The following SNX29 variants were observed in gnomAD, a reference collection of about 807,000 sequenced individuals.
The protein encoded by SNX29 is sorting nexin-29.
A neutral mutation model predicts 102.1 loss-of-function variants in SNX29; 78 were observed. That is an observed-to-expected ratio of 0.76 (90% CI 0.64 to 0.92). The LOEUF is 0.92. Among genes scored for constraint, SNX29 ranks in the 40% least tolerant of loss-of-function variants. The probability of loss-of-function intolerance (pLI) is 0.00; values close to 1 mark genes in which losing one functional copy is unlikely to be tolerated. For synonymous variants in SNX29, 580 were observed against 414.5 expected, an observed-to-expected ratio of 1.40 and a Z score of -4.85; for missense variants, 1,280 against 1,061.7, an observed-to-expected ratio of 1.21 and a Z score of -2.86.
intron 16 of SNX29, among the ~76,000 whole-genome samples, chr16:12,370,366 C>T (rs1252541553): frequency 1.3e-5 from 2 of 152,162 alleles, no homozygotes; most frequent in Non-Finnish European, 2.9e-5. Context: ...TCGAGACCAG[C>T]CTGGCCAACG....
At chr16:12,442,008 G>A (rs939859769) in intron 18 of SNX29, among the ~76,000 whole-genome samples, 5 of 152,136 alleles carry the variant, frequency 3.3e-5, no homozygotes, top group African/African-American at 1.2e-4. Context: ...TTGAACTCCT[G>A]ACCTCAGGTG....
At chr16:12,349,789 T>C (rs1212220784) in intron 15 of SNX29, among the ~76,000 whole-genome samples, 3 of 152,180 alleles carry the variant, frequency 2.0e-5, no homozygotes, top group Non-Finnish European at 4.4e-5. Context: ...TTTTTCATTA[T>C]TTTTTATACT....
intron 8 of SNX29, among the ~76,000 whole-genome samples, chr16:12,059,042 T>G (rs541814429): frequency 2.0e-5 from 3 of 152,064 alleles, no homozygotes; most frequent in Non-Finnish European, 2.9e-5. Flanking sequence ...GTACCGGAAT[T>G]ATAAATGTGA....
At chr16:12,238,931 G>A (rs2078018215) in intron 14 of SNX29, among the ~76,000 whole-genome samples, 1 of 152,202 alleles carries the variant, frequency 6.6e-6, no homozygotes, top group Non-Finnish European at 1.5e-5. Context: ...GCTCTAGCCA[G>A]CATGTCTGTG....
At position 12,398,486 on chromosome 16, in the gene SNX29, T is replaced by A; in HGVS notation, c.1940T>A (p.Leu647Ter). The A allele has an allele frequency of 2.5e-6, 4 of 1,613,988 alleles. No individual in the cohort carries two copies. Among genetic ancestry groups the A allele is most frequent in the Non-Finnish European group, 3.4e-6 (4 of 1,179,878 alleles). ...AGTCAAACGTCCGAAGACCAGAGTT[T>A]GTCGGATTTTGAAATGTAAGTCCAC... ...DLSQTSEDQSLSDFEISNRAL... is the reference protein window; with the variant it reads ...DLSQTSEDQS Residue 647 changes from leucine (L) to a stop codon, truncating the protein, a stop_gained, in exon 17 of 21, where the codon TTG (leucine) becomes TAG (stop). Transcript: ENST00000566228. LOFTEE classifies it high-confidence loss of function.
intron 13 of SNX29, among the ~76,000 whole-genome samples, chr16:12,179,696 CGGATTCTG>C (rs1181076588): frequency 6.6e-6 from 1 of 152,174 alleles, no homozygotes; most frequent in Non-Finnish European, 1.5e-5. Flanking sequence ...TCATCTGTGA[CGGATTCTG>C]CAAGGGACTG....
chr16:12,381,470 C>G (rs1436655586), intron 16 of SNX29, among the ~76,000 whole-genome samples: 1 of 81,768 alleles, frequency 1.2e-5, no homozygotes, highest in Non-Finnish European at 2.4e-5. Context: ...CATCCATCCA[C>G]CTATCCACCT....
rs1598133776 is a variant in SNX29 at position 12,569,774 on chromosome 16, CAG to C, written c.*1148_*1149del. The stretch of plus-strand genomic sequence containing the variant: ...AGTGAGCTCACATCAGAGCACCTCA[CAG>C]AGCAATAGCCGTCCTCAGATGCTCA... On this transcript the variant is annotated 3_prime_UTR_variant, in exon 21 of 21. Transcript: ENST00000566228. 30 of 230,558 alleles carry C rather than the reference CAG, an allele frequency of 1.3e-4. No individual in the cohort carries two copies. The East Asian group carries it at 1.7e-3, about 13-fold the overall frequency. The allele number at this position is 230,558 out of a possible 1,614,324, so 14.3% of individuals were successfully genotyped here.
chr16:12,568,304 T>TAAAA (rs34750195), intron 20 of SNX29, among the ~76,000 whole-genome samples: 13 of 146,420 alleles, frequency 8.9e-5, no homozygotes, highest in South Asian at 2.2e-4. Context: ...GGAGTGCTGT[T>TAAAA]AAAAAAAAAA....
chr16:12,232,342 C>T (rs988769609), intron 14 of SNX29, among the ~76,000 whole-genome samples: 1 of 152,164 alleles, frequency 6.6e-6, no homozygotes, highest in Non-Finnish European at 1.5e-5. Context: ...GCCTGACCAA[C>T]GTGGTGAAAC....
intron 14 of SNX29, among the ~76,000 whole-genome samples, chr16:12,215,207 G>C (rs1267921861): frequency 6.6e-6 from 1 of 151,972 alleles, no homozygotes; most frequent in East Asian, 1.9e-4. Flanking sequence ...AGAAAGGTCA[G>C]AGACCGGCTG....
chr16:12,008,909 T>C (rs1486705098), intron 3 of SNX29, among the ~76,000 whole-genome samples: 1 of 151,532 alleles, frequency 6.6e-6, no homozygotes, highest in African/African-American at 2.4e-5. Flanking sequence ...GCCTGGGTAA[T>C]TTTTGTATTT....
intron 17 of SNX29, among the ~76,000 whole-genome samples, chr16:12,402,977 G>A (rs113902948): frequency 0.018 from 2,788 of 152,258 alleles, 86 homozygotes; most frequent in African/African-American, 0.064. Flanking sequence ...TGGGCTCAGG[G>A]TCAGGGTCTA....
Position 12,569,047 on chromosome 16 carries a change from A to G in SNX29, c.*418A>G, listed in dbSNP as rs1328212040. 2.3e-5 allele frequency: 5 copies of G among 214,908 alleles called. No individual in the cohort carries two copies. Among genetic ancestry groups the G allele is most frequent in the Non-Finnish European group, 4.4e-5 (5 of 112,370 alleles). 13.3% of individuals were successfully genotyped at this position (214,908 alleles called of 1,614,324 possible). A position where few individuals can be genotyped will look rare whatever the true frequency, so the allele number is the denominator to read the frequency against. On this transcript the variant is annotated 3_prime_UTR_variant, in exon 21 of 21. Transcript: ENST00000566228. The stretch of plus-strand genomic sequence containing the variant: ...CCTCTCCACTCTTTCCCACGTGGGG[A>G]CTAGAATGACTATTAGCCTCTCCTT...
chr16:12,452,292 G>A (rs1460788440), intron 18 of SNX29, among the ~76,000 whole-genome samples: 1 of 152,264 alleles, frequency 6.6e-6, no homozygotes, highest in Non-Finnish European at 1.5e-5. Flanking sequence ...CAACTGGGGT[G>A]GCTGCTACTG....
At chr16:12,490,189 C>G (rs959089193) in intron 19 of SNX29, among the ~76,000 whole-genome samples, 2 of 152,138 alleles carry the variant, frequency 1.3e-5, no homozygotes, top group Non-Finnish European at 2.9e-5. Flanking sequence ...AATGAACACA[C>G]CTAGGCAAAC....
chr16:12,023,096 C>A (rs1373627959), intron 3 of SNX29, among the ~76,000 whole-genome samples: 1 of 151,780 alleles, frequency 6.6e-6, no homozygotes, highest in East Asian at 1.9e-4. Context: ...GAGATTTCAC[C>A]CTGTTGGCCA....
intron 14 of SNX29, among the ~76,000 whole-genome samples, chr16:12,239,527 C>T (rs531407872): frequency 6.8e-6 from 1 of 147,950 alleles, no homozygotes; most frequent in African/African-American, 2.5e-5. Context: ...TTGAAAACTA[C>T]AATTAAAAAA....
chr16:12,010,940 A>G (rs368065890), intron 3 of SNX29, among the ~76,000 whole-genome samples: 1 of 151,854 alleles, frequency 6.6e-6, no homozygotes, highest in African/African-American at 2.4e-5. Context: ...TCTTTTAAAT[A>G]TCTCTGAATG....
Sources: allele counts gnomAD v4.1 joint callset (sites outside exome capture counted in the v4.1 genomes callset), GRCh38; gene constraint gnomAD v4.1.1; transcripts MANE v1.5; gene names NCBI Gene and HGNC (gene_info 2026-07-23, HGNC 2026-07-21).